The following WNT7A variants were observed in gnomAD, a reference collection of about 807,000 sequenced individuals.
The protein encoded by WNT7A is protein Wnt-7a.
A neutral mutation model predicts 28.2 loss-of-function variants in WNT7A; 16 were observed. The ratio of observed to expected loss-of-function variants is 0.57; its 90% confidence interval spans 0.38 to 0.86. The LOEUF is 0.86. Ranked by LOEUF, WNT7A falls within the 40% of genes least tolerant of loss-of-function variation. The pLI, the probability that WNT7A is intolerant of heterozygous loss-of-function variation, is 0.00. For synonymous variants in WNT7A, 190 were observed against 195.9 expected (o/e 0.97, Z 0.25); for missense variants, 411 against 489.7 (o/e 0.84, Z 1.52).
At chr3:13,876,268 C>G (rs1433050548) in intron 1 of WNT7A, among the ~76,000 whole-genome samples, 1 of 152,188 alleles carries the variant, frequency 6.6e-6, no homozygotes, top group Non-Finnish European at 1.5e-5. Context: ...ATAGAAAGAA[C>G]CCATGGAAAC....
intron 2 of WNT7A, among the ~76,000 whole-genome samples, chr3:13,855,897 G>A (rs1175096152): frequency 6.6e-6 from 1 of 152,132 alleles, no homozygotes; most frequent in Non-Finnish European, 1.5e-5. Context: ...GGATGGAGAC[G>A]GCTTAAGCAG....
At chr3:13,870,736 G>A (rs1044424539) in intron 2 of WNT7A, among the ~76,000 whole-genome samples, 3 of 152,250 alleles carry the variant, frequency 2.0e-5, no homozygotes, top group Non-Finnish European at 2.9e-5. Context: ...GAATCTGGAA[G>A]GTGTGGCACT....
At chr3:13,878,167 C>G (rs954716834) in intron 1 of WNT7A, among the ~76,000 whole-genome samples, 2 of 152,104 alleles carry the variant, frequency 1.3e-5, no homozygotes, top group Non-Finnish European at 2.9e-5. Context: ...AGGGCCAATC[C>G]GGGGAGGCCG....
intron 3 of WNT7A, among the ~76,000 whole-genome samples, chr3:13,850,437 C>T (rs925509887): frequency 1.3e-5 from 2 of 152,178 alleles, no homozygotes; most frequent in Non-Finnish European, 2.9e-5. Flanking sequence ...CAGGAGCACC[C>T]GGACCAGACG....
At chr3:13,874,713 G>A (rs188091323) in intron 2 of WNT7A, among the ~76,000 whole-genome samples, 31 of 145,530 alleles carry the variant, frequency 2.1e-4, no homozygotes, top group Non-Finnish European at 4.3e-4. Flanking sequence ...GTTAACATTT[G>A]GGTCACTGGT....
rs965026029 is a variant in WNT7A at position 13,817,531 on chromosome 3, G to A, written c.*1413C>T. ...CAGCCTGCTGGAGGACAGCTTTCTAGGCTGAGGCTCTGGGTGTAGCTGGAC... is the reference window on the plus strand; with the variant it reads ...CAGCCTGCTGGAGGACAGCTTTCTAAGCTGAGGCTCTGGGTGTAGCTGGAC... On this transcript the variant is annotated 3_prime_UTR_variant, in exon 4 of 4. Transcript: ENST00000285018. The A allele has an allele frequency of 1.3e-5, 2 of 152,524 alleles. No individual in the cohort carries two copies. The highest frequency in any genetic ancestry group is 2.9e-5 in the Non-Finnish European group (2 of 68,370). The allele number at this position is 152,524 out of a possible 1,614,324, so 9.4% of individuals were successfully genotyped here.
intron 1 of WNT7A, 60 bp downstream of exon 1, chr3:13,879,686 C>G (rs1695177409): frequency 1.3e-6 from 2 of 1,573,258 alleles, no homozygotes; most frequent in African/African-American, 2.7e-5. Flanking sequence ...GCACACCTCC[C>G]TCCCCGGGCC....
chr3:13,825,372 T>C (rs1263865139), intron 3 of WNT7A, among the ~76,000 whole-genome samples: 2 of 152,224 alleles, frequency 1.3e-5, no homozygotes, highest in Admixed American at 6.5e-5. Flanking sequence ...GACCTGCCTA[T>C]ACGTCAGCAT....
intron 3 of WNT7A, among the ~76,000 whole-genome samples, chr3:13,844,405 C>A (rs996507887): frequency 6.6e-6 from 1 of 152,232 alleles, no homozygotes; most frequent in Non-Finnish European, 1.5e-5. Context: ...GGCCTCACTG[C>A]CCATGCCCAG....
At chr3:13,856,223 A>G (rs1269121738) in intron 2 of WNT7A, among the ~76,000 whole-genome samples, 7 of 152,222 alleles carry the variant, frequency 4.6e-5, no homozygotes, top group African/African-American at 1.7e-4. Context: ...CTTGGGCTCA[A>G]GTCCCAGCTC....
Position 13,866,732 on chromosome 3 carries a change from T to A in WNT7A, c.298+8215A>T, listed in dbSNP as rs191858448. ...GGTCCATAAAGGAGCAGGGGATGGGTGTGCGTTTTATTCTCAGAACAACAG... is the reference window on the plus strand; with the variant it reads ...GGTCCATAAAGGAGCAGGGGATGGGAGTGCGTTTTATTCTCAGAACAACAG... On this transcript the variant is annotated intron_variant, in intron 2 of 3. Transcript: ENST00000285018. Among the ~76,000 whole-genome samples the A allele has an allele frequency of 4.8e-3, 729 of 152,000 alleles. 8 individuals carry two copies. The highest frequency in any genetic ancestry group is 0.016 in the African/African-American group (659 of 41,414).
In WNT7A at chr3:13,867,274, C is replaced by A. The variant is rs1352338649; in HGVS notation, c.298+7673G>T. 2.6e-5 allele frequency among the ~76,000 whole-genome samples: 4 copies of A among 152,146 alleles called. 1 individual carries two copies. The highest frequency in any genetic ancestry group is 4.2e-4 in the South Asian group (2 of 4,818). ...TAAGGGTGGGGCTGGGATGCAAACC[C>A]GGCCATGTGACTCTGATTTCAGTAC... On this transcript the variant is annotated intron_variant, in intron 2 of 3. Coordinates refer to ENST00000285018, the MANE Select transcript of WNT7A (RefSeq NM_004625.4).
intron 1 of WNT7A, among the ~76,000 whole-genome samples, chr3:13,875,704 A>C (rs1695100267): frequency 6.6e-6 from 1 of 152,164 alleles, no homozygotes; most frequent in Non-Finnish European, 1.5e-5. Flanking sequence ...ATGTATGTAT[A>C]TGTTTTATTG....
intron 2 of WNT7A, among the ~76,000 whole-genome samples, chr3:13,872,681 T>A (rs1695044104): frequency 6.6e-6 from 1 of 152,186 alleles, no homozygotes; most frequent in Non-Finnish European, 1.5e-5. Context: ...GCTGGCAGTA[T>A]TCCTCCTCAG....
At chr3:13,838,255 C>A (rs1327621971) in intron 3 of WNT7A, among the ~76,000 whole-genome samples, 1 of 152,190 alleles carries the variant, frequency 6.6e-6, no homozygotes, top group African/African-American at 2.4e-5. Flanking sequence ...GGGTTTCTCT[C>A]TCAGCTGTGC....
intron 3 of WNT7A, among the ~76,000 whole-genome samples, chr3:13,840,318 T>C (rs1220968127): frequency 1.3e-5 from 2 of 152,348 alleles, no homozygotes; most frequent in Non-Finnish European, 2.9e-5. Flanking sequence ...AGATTCCATA[T>C]ATATATTCTA....
At chr3:13,856,941 GAAGAAGAAGAAGA>G (rs1694749198) in intron 2 of WNT7A, among the ~76,000 whole-genome samples, 1 of 121,308 alleles carries the variant, frequency 8.2e-6, no homozygotes, top group Non-Finnish European at 1.6e-5. Context: ...AGAAGAAGAA[GAAGAAGAAGAAGA>G]AGAAGAAGAA....
At chr3:13,871,877 C>A (rs1695031245) in intron 2 of WNT7A, among the ~76,000 whole-genome samples, 1 of 152,156 alleles carries the variant, frequency 6.6e-6, no homozygotes, top group African/African-American at 2.4e-5. Flanking sequence ...GAAGGGAAAT[C>A]CAGACCCCCT....
intron 3 of WNT7A, among the ~76,000 whole-genome samples, chr3:13,844,588 C>T (rs528027149): frequency 5.9e-5 from 9 of 152,350 alleles, no homozygotes; most frequent in South Asian, 4.1e-4. Flanking sequence ...GCCAATCAAA[C>T]GGAGTAACCC....
Sources: allele counts gnomAD v4.1 joint callset (sites outside exome capture counted in the v4.1 genomes callset), GRCh38; gene constraint gnomAD v4.1.1; transcripts MANE v1.5; gene names NCBI Gene and HGNC (gene_info 2026-07-23, HGNC 2026-07-21).